The following RBFOX1 variants were observed in gnomAD, a reference collection of about 807,000 sequenced individuals.
RBFOX1 encodes RNA binding fox-1 homolog 1, also known as RNA binding protein fox-1 homolog 1.
RBFOX1 carries 8 observed loss-of-function variants against 57.7 expected under a neutral mutation model. The ratio of observed to expected loss-of-function variants is 0.14; its 90% CI spans 0.08 to 0.25. RBFOX1 has a LOEUF of 0.25. RBFOX1 is among the 10% of genes least tolerant of loss of function. The probability of loss-of-function intolerance (pLI) is 1.00; values close to 1 mark genes in which losing one functional copy is unlikely to be tolerated. For missense variants in RBFOX1, 611 were observed against 548.5 expected (o/e 1.11, Z -1.14); for synonymous variants, 326 against 222.4 (o/e 1.47, Z -4.15).
At chr16:5,554,732 T>G (rs1044183592) in intron 2 of RBFOX1, among the ~76,000 whole-genome samples, 2 of 152,220 alleles carry the variant, frequency 1.3e-5, no homozygotes, top group Non-Finnish European at 2.9e-5. Flanking sequence ...GTCTCAGGGA[T>G]TATGAATTGA....
chr16:5,751,103 A>G (rs919835339), intron 3 of RBFOX1, among the ~76,000 whole-genome samples: 2 of 152,176 alleles, frequency 1.3e-5, no homozygotes, highest in Non-Finnish European at 2.9e-5. Flanking sequence ...TCGGCCTCCT[A>G]AAGTGCTGGG....
At chr16:7,241,337 T>A (rs1209483739) in intron 4 of RBFOX1, among the ~76,000 whole-genome samples, 1 of 152,154 alleles carries the variant, frequency 6.6e-6, no homozygotes, top group African/African-American at 2.4e-5. Flanking sequence ...GCAGGTCACC[T>A]CCTGGCCCGT....
chr16:7,381,452 T>G (rs1166016313), intron 4 of RBFOX1, among the ~76,000 whole-genome samples: 2 of 152,166 alleles, frequency 1.3e-5, no homozygotes, highest in Non-Finnish European at 2.9e-5. Context: ...CTCAATGATC[T>G]GTTAGTAAAA....
chr16:6,633,615 T>A (rs1434536779), intron 2 of RBFOX1, among the ~76,000 whole-genome samples: 1 of 152,116 alleles, frequency 6.6e-6, no homozygotes, highest in Non-Finnish European at 1.5e-5. Flanking sequence ...AGTCTTTAAA[T>A]CAACAGACTG....
At chr16:6,477,765 A>C (rs922304782) in intron 2 of RBFOX1, among the ~76,000 whole-genome samples, 3 of 152,184 alleles carry the variant, frequency 2.0e-5, no homozygotes, top group Admixed American at 2.0e-4. Context: ...TTCCAAGAGA[A>C]GACTGTTTTG....
chr16:7,293,829 A>T (rs2095841106), intron 4 of RBFOX1, among the ~76,000 whole-genome samples: 3 of 152,066 alleles, frequency 2.0e-5, no homozygotes, highest in Non-Finnish European at 2.9e-5. Flanking sequence ...TCAGACTTTG[A>T]AGGTATGCAA....
chr16:6,345,738 C>G (rs1050426311), intron 2 of RBFOX1, among the ~76,000 whole-genome samples: 2 of 152,186 alleles, frequency 1.3e-5, no homozygotes, highest in African/African-American at 4.8e-5. Context: ...CAATCTAAGA[C>G]TGGTCTCAGT....
intron 4 of RBFOX1, among the ~76,000 whole-genome samples, chr16:7,321,478 A>G (rs2096544807): frequency 6.6e-6 from 1 of 152,148 alleles, no homozygotes; most frequent in South Asian, 2.1e-4. Context: ...ACAAACAAAC[A>G]TGAAATACGT....
chr16:7,475,991 G>A (rs984079914), intron 4 of RBFOX1, among the ~76,000 whole-genome samples: 5 of 151,136 alleles, frequency 3.3e-5, no homozygotes, highest in African/African-American at 9.7e-5. Flanking sequence ...TTTGAGACAG[G>A]GTCTCACTCT....
chr16:7,395,233 C>A (rs2098121523), intron 4 of RBFOX1, among the ~76,000 whole-genome samples: 1 of 150,972 alleles, frequency 6.6e-6, no homozygotes, highest in Admixed American at 6.6e-5. Context: ...GTTCAAATTA[C>A]AAAGCTTAGG....
At chr16:7,122,793 C>A (rs899494862) in intron 4 of RBFOX1, among the ~76,000 whole-genome samples, 15 of 152,088 alleles carry the variant, frequency 9.9e-5, no homozygotes, top group Non-Finnish European at 1.6e-4. Context: ...CCATAGCCCC[C>A]TAGAAACAAG....
intron 4 of RBFOX1, among the ~76,000 whole-genome samples, chr16:5,900,449 G>A (rs778162403): frequency 1.3e-5 from 2 of 152,194 alleles, no homozygotes; most frequent in Non-Finnish European, 2.9e-5. Context: ...TCTGCAAGGA[G>A]ATTTATTTCA....
At chr16:7,460,559 C>T (rs1419893117) in intron 4 of RBFOX1, among the ~76,000 whole-genome samples, 2 of 146,980 alleles carry the variant, frequency 1.4e-5, no homozygotes, top group African/African-American at 2.6e-5. Context: ...ACAGTGGGGT[C>T]TACCAGAGGG....
At chr16:7,251,678 G>T (rs182563309) in intron 4 of RBFOX1, among the ~76,000 whole-genome samples, 1 of 151,972 alleles carries the variant, frequency 6.6e-6, no homozygotes, top group Admixed American at 6.6e-5. Flanking sequence ...CCTCAGCCTC[G>T]CAAAGTCGTG....
chr16:6,900,850 G>T (rs2068299886), intron 3 of RBFOX1, among the ~76,000 whole-genome samples: 1 of 152,140 alleles, frequency 6.6e-6, no homozygotes, highest in South Asian at 2.1e-4. Flanking sequence ...GTTTGTCTTT[G>T]TGTGAGCTCC....
intron 3 of RBFOX1, among the ~76,000 whole-genome samples, chr16:6,680,806 T>C (rs1167023463): frequency 2.6e-5 from 4 of 152,210 alleles, no homozygotes; most frequent in Non-Finnish European, 4.4e-5. Context: ...ATTTTTTAAA[T>C]AAATGTTGCA....
chr16:5,887,646 C>T (rs1010564971), intron 4 of RBFOX1, among the ~76,000 whole-genome samples: 7 of 152,066 alleles, frequency 4.6e-5, no homozygotes, highest in African/African-American at 1.4e-4. Flanking sequence ...TCAAGTGATC[C>T]ACCCGCCTCA....
At chr16:6,920,555 A>G (rs1449163602) in intron 3 of RBFOX1, among the ~76,000 whole-genome samples, 2 of 152,198 alleles carry the variant, frequency 1.3e-5, no homozygotes, top group African/African-American at 4.8e-5. Context: ...CAGGCTTGAA[A>G]CAACAGAAAT....
intron 2 of RBFOX1, among the ~76,000 whole-genome samples, chr16:5,484,739 C>T (rs1344448423): frequency 1.3e-5 from 2 of 151,644 alleles, no homozygotes; most frequent in African/African-American, 4.8e-5. Flanking sequence ...GGTGAAACCC[C>T]ATCTCTACTA....
Sources: gnomAD v4.1 joint callset for allele counts (sites outside exome capture counted in the v4.1 genomes callset) on GRCh38, gnomAD v4.1.1 for gene constraint, MANE v1.5 for transcripts, NCBI Gene and HGNC (gene_info 2026-07-23, HGNC 2026-07-21) for gene names.